The following ST8SIA2 variants were observed in gnomAD, a reference collection of about 807,000 sequenced individuals.
ST8SIA2 encodes the protein alpha-2,8-sialyltransferase 8B.
A neutral mutation model predicts 37.6 loss-of-function variants in ST8SIA2; 22 were observed. The ratio of observed to expected loss-of-function variants is 0.58; its 90% CI spans 0.42 to 0.83. The LOEUF is 0.83. Among genes scored for constraint, ST8SIA2 ranks in the 40% least tolerant of loss-of-function variants. The pLI is 0.00. For synonymous variants in ST8SIA2, 205 were observed against 201.2 expected (o/e 1.02, Z -0.16); for missense variants, 382 against 484.7 (o/e 0.79, Z 1.99).
At chr15:92,463,428 G>A (rs1323809790) in intron 5 of ST8SIA2, among the ~76,000 whole-genome samples, 1 of 152,208 alleles carries the variant, frequency 6.6e-6, no homozygotes, top group Non-Finnish European at 1.5e-5. Flanking sequence ...ATGGGTATCA[G>A]AGAGGGGGTC....
chr15:92,438,751 G>T, intron 4 of ST8SIA2, 141 bp downstream of exon 4: 1 of 1,230,772 alleles, frequency 8.1e-7, no homozygotes, highest in Non-Finnish European at 1.1e-6. Context: ...CTGCTCATCA[G>T]AATCACTTGG....
intron 3 of ST8SIA2, among the ~76,000 whole-genome samples, chr15:92,436,032 C>T (rs945647568): frequency 1.4e-4 from 21 of 147,648 alleles, no homozygotes; most frequent in Non-Finnish European, 2.3e-4. Context: ...TCCATCTTCA[C>T]GTGGCCCTCT....
chr15:92,442,924 A>T (rs1488567665), intron 4 of ST8SIA2, among the ~76,000 whole-genome samples: 3 of 152,112 alleles, frequency 2.0e-5, no homozygotes, highest in East Asian at 3.9e-4. Flanking sequence ...GAGCAAGTTG[A>T]TTCTCACACA....
At chr15:92,433,988 AT>A (rs199603486) in intron 2 of ST8SIA2, among the ~76,000 whole-genome samples, 1 of 152,066 alleles carries the variant, frequency 6.6e-6, no homozygotes, top group African/African-American at 2.4e-5. Context: ...GAAAAAAAAA[AT>A]CACTAGGGGC....
At chr15:92,451,622 C>T (rs1293982407) in intron 5 of ST8SIA2, among the ~76,000 whole-genome samples, 2 of 152,196 alleles carry the variant, frequency 1.3e-5, no homozygotes, top group Non-Finnish European at 2.9e-5. Context: ...TACAGTCACA[C>T]ATTCTGCATG....
chr15:92,408,673 TTTTTTTTATTTATTTATTTA>T lies in ST8SIA2; in HGVS notation c.98+14515_98+14534del, dbSNP rs1289789651. Among the ~76,000 whole-genome samples, 451 of 125,958 alleles carry T rather than the reference TTTTTTTTATTTATTTATTTA, an allele frequency of 3.6e-3. 5 individuals are homozygous for T. The highest frequency in any genetic ancestry group is 0.014 in the African/African-American group (435 of 32,168). 82.6% of individuals were successfully genotyped at this position (125,958 alleles called of 152,430 possible). A position where few individuals can be genotyped will look rare whatever the true frequency, so the allele number is the denominator to read the frequency against. ...CTGATTTGAAATCCACTGAGTTCCA[TTTTTTTTATTTATTTATTTA>T]TTTATTTATTTATTTATTTATTTAT... On this transcript the variant is annotated intron_variant, in intron 1 of 5. Transcript: ENST00000268164.
chr15:92,401,567 C>T (rs1004614132), intron 1 of ST8SIA2, among the ~76,000 whole-genome samples: 12 of 152,142 alleles, frequency 7.9e-5, no homozygotes, highest in Admixed American at 3.3e-4. Flanking sequence ...CGTTGGCAGT[C>T]GAGGTTCCTC....
intron 1 of ST8SIA2, among the ~76,000 whole-genome samples, chr15:92,411,386 G>A (rs2049548496): frequency 6.6e-6 from 1 of 152,080 alleles, no homozygotes; most frequent in East Asian, 1.9e-4. Context: ...TGAAAAGGAA[G>A]AGGGAGTTAG....
rs1419896949 is a variant in ST8SIA2 at position 92,466,406 on chromosome 15, G to A, written c.*2021G>A. The stretch of plus-strand genomic sequence containing the variant: ...TCTAAAGCTTGAAGTGCCCCGAGGA[G>A]CAGGTAGAATTTCCAGCAGGGCCTT... On this transcript the variant is annotated 3_prime_UTR_variant, in exon 6 of 6. Coordinates refer to ENST00000268164, the MANE Select transcript of ST8SIA2 (RefSeq NM_006011.4). The A allele has an allele frequency of 1.3e-5, 2 of 152,196 alleles. No homozygotes were observed. Among genetic ancestry groups the A allele is most frequent in the Non-Finnish European group, 2.9e-5 (2 of 68,038 alleles). 9.4% of individuals were successfully genotyped at this position (152,196 alleles called of 1,614,324 possible).
In ST8SIA2 at chr15:92,408,226, G is replaced by A. The variant is rs375479131; in HGVS notation, c.98+14064G>A. The stretch of plus-strand genomic sequence containing the variant: ...TCCTCCAAGAGAGGGTGGTCCCACC[G>A]AGAGGGGAGGATGCCTTAGGCCCAA... On this transcript the variant is annotated intron_variant, in intron 1 of 5. Transcript: ENST00000268164. 4.1e-4 allele frequency among the ~76,000 whole-genome samples: 63 copies of A among 152,138 alleles called. No individual in the cohort carries two copies. In the South Asian group the frequency reaches 8.1e-3, roughly 20 times the overall value.
intron 1 of ST8SIA2, among the ~76,000 whole-genome samples, chr15:92,398,391 A>C (rs1318314068): frequency 6.6e-6 from 1 of 152,258 alleles, no homozygotes; most frequent in Non-Finnish European, 1.5e-5. Flanking sequence ...AATTACAGAA[A>C]TCTTGTTAAA....
intron 1 of ST8SIA2, among the ~76,000 whole-genome samples, chr15:92,399,963 G>C (rs1372128862): frequency 1.3e-5 from 2 of 152,178 alleles, no homozygotes; most frequent in African/African-American, 4.8e-5. Flanking sequence ...CTGGTCTTTT[G>C]CCTCTGTCTG....
At chr15:92,452,743 C>T (rs146934608) in intron 5 of ST8SIA2, among the ~76,000 whole-genome samples, 182 of 152,272 alleles carry the variant, frequency 1.2e-3, no homozygotes, top group African/African-American at 4.2e-3. Context: ...AGCAACTTGA[C>T]GGACAGTTTA....
At chr15:92,451,200 C>T (rs2049879537) in intron 5 of ST8SIA2, among the ~76,000 whole-genome samples, 1 of 152,192 alleles carries the variant, frequency 6.6e-6, no homozygotes, top group Non-Finnish European at 1.5e-5. Context: ...CATTCTCTCG[C>T]TCTAATGTGG....
In ST8SIA2 at chr15:92,445,034, C is replaced by T. The variant is rs555812077; in HGVS notation, c.842+105C>T. The T allele has an allele frequency of 9.3e-5, 141 of 1,520,236 alleles. No individual in the cohort carries two copies. The South Asian group carries it at 1.4e-3, about 15-fold the overall frequency. 94.2% of individuals were successfully genotyped at this position (1,520,236 alleles called of 1,614,324 possible). ...GCATTTCCATCCCAGCTCCACCACTCATTTGCTGGATGGCCTCAGCAAGTC... is the reference window on the plus strand; with the variant it reads ...GCATTTCCATCCCAGCTCCACCACTTATTTGCTGGATGGCCTCAGCAAGTC... On this transcript the variant is annotated intron_variant, in intron 5 of 5. Transcript: ENST00000268164.
At chr15:92,460,054 A>T (rs772634519) in intron 5 of ST8SIA2, among the ~76,000 whole-genome samples, 23 of 152,172 alleles carry the variant, frequency 1.5e-4, no homozygotes, top group Admixed American at 2.6e-4. Flanking sequence ...TTTTTCTTAC[A>T]CATGTCCCAA....
Position 92,465,629 on chromosome 15 carries a change from C to T in ST8SIA2, c.*1244C>T, listed in dbSNP as rs911565656. The stretch of plus-strand genomic sequence containing the variant: ...GGTCACACTAGCCCACCCCAAGCTC[C>T]GACATTGAGGTTTTCATCTCTGCAG... On this transcript the variant is annotated 3_prime_UTR_variant, in exon 6 of 6. Transcript: ENST00000268164. 3 of 152,138 alleles carry T rather than the reference C, an allele frequency of 2.0e-5. No individual in the cohort carries two copies. The highest frequency in any genetic ancestry group is 1.9e-4 in the East Asian group (1 of 5,180). 9.4% of individuals were successfully genotyped at this position (152,138 alleles called of 1,614,324 possible).
chr15:92,395,822 C>T (rs1393255456), intron 1 of ST8SIA2, among the ~76,000 whole-genome samples: 3 of 152,184 alleles, frequency 2.0e-5, no homozygotes, highest in East Asian at 1.9e-4. Context: ...AGGGAAGGCC[C>T]GGCGCTGCCC....
At chr15:92,448,996 G>T (rs886309030) in intron 5 of ST8SIA2, among the ~76,000 whole-genome samples, 1 of 152,012 alleles carries the variant, frequency 6.6e-6, no homozygotes, top group African/African-American at 2.4e-5. Flanking sequence ...TAAAATTTAT[G>T]ATTTTAATGA....
Sources: allele counts gnomAD v4.1 joint callset (sites outside exome capture counted in the v4.1 genomes callset), GRCh38; gene constraint gnomAD v4.1.1; transcripts MANE v1.5; gene names NCBI Gene and HGNC (gene_info 2026-07-23, HGNC 2026-07-21).